MYO15B: variants seen among roughly 807,000 people sequenced by gnomAD.
MYO15B encodes myosin XVB pseudogene.
Under a neutral mutation model 119.3 loss-of-function variants are expected in MYO15B, and 207 were observed. That is an observed-to-expected ratio of 1.73 (90% CI 1.55 to 1.95). The LOEUF (loss-of-function observed/expected upper bound fraction) is 1.95. Among genes scored for constraint, MYO15B ranks in the 30% most tolerant of loss-of-function variants. The pLI is 0.00. For synonymous variants in MYO15B, 966 were observed against 498.9 expected (o/e 1.94, Z -12.48); for missense variants, 2,264 against 1,203.1 (o/e 1.88, Z -13.04).
At position 75,591,158 on chromosome 17, in the gene MYO15B, C is replaced by G. The variant is rs2056419309; in HGVS notation, c.2361-14C>G. ...CCAGGTCCCCATGTCTGGCAACCTT[C>G]TCATCTCCCTCAGACACATCTTTGC... On this transcript the variant is annotated splice_polypyrimidine_tract_variant and intron_variant, in intron 3 of 63. Transcript: ENST00000645453. The G allele has an allele frequency of 1.4e-6, 1 of 702,798 alleles. No homozygotes were observed. The highest frequency in any genetic ancestry group is 1.7e-5 in the African/African-American group (1 of 57,258). The allele number at this position is 702,798 out of a possible 1,614,324, so 43.5% of individuals were successfully genotyped here. A position where few individuals can be genotyped will look rare whatever the true frequency, so the allele number is the denominator to read the frequency against.
intron 12 of MYO15B, among the ~76,000 whole-genome samples, chr17:75,595,502 G>T (rs1432679454): frequency 2.6e-5 from 4 of 152,202 alleles, no homozygotes; most frequent in African/African-American, 9.6e-5. Flanking sequence ...GCAAGTGGAT[G>T]AACCTTTCTG....
At chr17:75,611,540 GA>G (rs2058030342) in intron 23 of MYO15B, 60 bp from the exon 24 acceptor site, 5 of 699,168 alleles carry the variant, frequency 7.2e-6, no homozygotes, top group Non-Finnish European at 1.0e-5. Flanking sequence ...AGGGTGTGGG[GA>G]GGGACACTGG....
At chr17:75,618,016 T>G (rs949594859) in intron 42 of MYO15B, 94 bp downstream of exon 42, 1 of 690,652 alleles carries the variant, frequency 1.4e-6, no homozygotes, top group Admixed American at 2.0e-5. Flanking sequence ...CAGCATCCCC[T>G]CCCCACAGCC....
In MYO15B at chr17:75,603,233, C is replaced by T. The variant is rs867394765; in HGVS notation, c.3937C>T (p.Gln1313Ter). 4 of 702,968 alleles carry T rather than the reference C, an allele frequency of 5.7e-6. No homozygotes were observed. Among genetic ancestry groups the T allele is most frequent in the Middle Eastern group, 4.6e-4 (2 of 4,392 alleles). 43.5% of individuals were successfully genotyped at this position (702,968 alleles called of 1,614,324 possible). The change falls in exon 19 of 64, where the codon CAG becomes TAG. Residue 1313 changes from glutamine (Q) to a stop codon, truncating the protein, a stop_gained. Transcript: ENST00000645453. LOFTEE classifies it high-confidence loss of function. ...GGGACATGTGACAGAGCAACTGCAC[C>T]AGGCAGCCATACTGGAGGCCGTGGG...
At chr17:75,602,984 G>T (rs1250731656) in intron 17 of MYO15B, 39 bp downstream of exon 17, 3 of 701,744 alleles carry the variant, frequency 4.3e-6, no homozygotes, top group Non-Finnish European at 7.8e-6. Context: ...CCAGGGAGTT[G>T]TATGGGGCTC....
chr17:75,600,074 A>C (rs1248375522), intron 14 of MYO15B, among the ~76,000 whole-genome samples: 1 of 136,256 alleles, frequency 7.3e-6, no homozygotes, highest in African/African-American at 2.8e-5. Context: ...CCCAGGCTGG[A>C]GTGCAGTGGC....
intron 59 of MYO15B, 80 bp from the exon 60 acceptor site, chr17:75,625,043 G>A (rs1210009545): frequency 1.5e-6 from 1 of 657,658 alleles, no homozygotes; most frequent in African/African-American, 1.8e-5. Flanking sequence ...AGTGGCAAAA[G>A]GAGGCTTGAG....
intron 14 of MYO15B, among the ~76,000 whole-genome samples, chr17:75,599,735 A>C (rs1378724468): frequency 6.6e-6 from 1 of 151,590 alleles, no homozygotes; most frequent in Non-Finnish European, 1.5e-5. Flanking sequence ...CTCTACTAAA[A>C]ATACAAAAAA....
chr17:75,591,672 G>C, exon 5 of MYO15B: 1 of 702,990 alleles, frequency 1.4e-6, no homozygotes, highest in East Asian at 2.7e-5. Flanking sequence ...CAGTTCCTAA[G>C]CAGCCTGGAG....
chr17:75,594,683 G>GCCT lies in MYO15B; in HGVS notation c.3106-13_3106-11dup, dbSNP rs1266965765. The GCCT allele has an allele frequency of 1.4e-6, 1 of 702,794 alleles. No homozygotes were observed. Among genetic ancestry groups the GCCT allele is most frequent in the Non-Finnish European group, 2.6e-6 (1 of 384,904 alleles). 43.5% of individuals were successfully genotyped at this position (702,794 alleles called of 1,614,324 possible). On this transcript the variant is annotated splice_polypyrimidine_tract_variant and intron_variant, in intron 10 of 63. Coordinates refer to ENST00000645453, the Ensembl canonical transcript of MYO15B. Reference sequence around the variant, plus strand: ...GCTGCAGGCCTGACACACCAGCTGTGCCTCCTCTGCCCTCCAGGAGACGCC... The same window carrying GCCT: ...GCTGCAGGCCTGACACACCAGCTGTGCCTCCTCCTCTGCCCTCCAGGAGACGCC...
chr17:75,601,907 G>T (rs972804300), intron 15 of MYO15B, among the ~76,000 whole-genome samples: 1 of 152,250 alleles, frequency 6.6e-6, no homozygotes, highest in Admixed American at 6.5e-5. Flanking sequence ...GTTGCTGTGA[G>T]GGTGAGATGT....
Position 75,610,862 on chromosome 17 carries a change from A to G in MYO15B, c.4387-38A>G, listed in dbSNP as rs1275318565. ...GGGGAGGTGCCCCCAGGTGACTCAC[A>G]TGGGAGGCATCAGCTCTTCCCACAT... On this transcript the variant is annotated intron_variant, in intron 22 of 63. Coordinates refer to ENST00000645453, the Ensembl canonical transcript of MYO15B. 4 of 702,726 alleles carry G rather than the reference A, an allele frequency of 5.7e-6. No individual in the cohort carries two copies. The East Asian group carries it at 1.1e-4, about 19-fold the overall frequency. 43.5% of individuals were successfully genotyped at this position (702,726 alleles called of 1,614,324 possible). A position where few individuals can be genotyped will look rare whatever the true frequency, so the allele number is the denominator to read the frequency against.
exon 21 of MYO15B, chr17:75,605,896 G>A (rs770669878): frequency 1.4e-6 from 1 of 701,422 alleles, no homozygotes; most frequent in Non-Finnish European, 2.6e-6. Context: ...GGCAGCGGCT[G>A]GAGGAGCTCC....
At chr17:75,588,730 T>G (rs2056218656) in exon 1 of MYO15B, 6 of 397,286 alleles carry the variant, frequency 1.5e-5, no homozygotes, top group Non-Finnish European at 2.7e-5. Context: ...GGAAGGGTCG[T>G]CGGGGACGGG....
At chr17:75,587,995 G>A (rs1476434315) in exon 1 of MYO15B, 1 of 398,006 alleles carries the variant, frequency 2.5e-6, no homozygotes. Context: ...ACCGCGGGAG[G>A]CCAAATCCCC....
chr17:75,622,987 C>A (rs73995927), intron 53 of MYO15B, among the ~76,000 whole-genome samples: 2 of 152,108 alleles, frequency 1.3e-5, no homozygotes, highest in African/African-American at 4.8e-5. Flanking sequence ...GGCACAGCAC[C>A]GCTCAGAGGT....
rs1413602244 is a variant in MYO15B at position 75,589,160 on chromosome 17, T to TG, written c.1104dup (p.Ser369GlufsTer63). 5.1e-6 allele frequency: 2 copies of TG among 392,198 alleles called. No individual in the cohort carries two copies. Among genetic ancestry groups the TG allele is most frequent in the Non-Finnish European group, 9.0e-6 (2 of 222,114 alleles). The allele number at this position is 392,198 out of a possible 1,614,324, so 24.3% of individuals were successfully genotyped here. ...CGCGCTGGCCTCAAGGAGCGGCTCC[T>TG]GAGTGTAGCGCGAGCCCTGGGCCTC... On this transcript the variant is annotated frameshift_variant, in exon 1 of 64. Transcript: ENST00000645453. LOFTEE classifies it high-confidence loss of function. This position sits in a 1 kb window ranked among gnomAD's most constrained non-coding sequence, Gnocchi z 4.2.
At position 75,617,941 on chromosome 17, in the gene MYO15B, C is replaced by A. The variant is rs1320561094; in HGVS notation, c.6927+19C>A. ...CAAGGAGGTGGGCATGAGGGTGGGG[C>A]CTTGGCCTGGCCTCTTTGGGCTGGC... On this transcript the variant is annotated intron_variant, in intron 42 of 63. Coordinates refer to ENST00000645453, the Ensembl canonical transcript of MYO15B. 1.4e-6 allele frequency: 1 copy of A among 702,134 alleles called. No homozygotes were observed. The highest frequency in any genetic ancestry group is 2.6e-6 in the Non-Finnish European group (1 of 384,508). 43.5% of individuals were successfully genotyped at this position (702,134 alleles called of 1,614,324 possible).
At position 75,615,616 on chromosome 17, in the gene MYO15B, G is replaced by A. The variant is rs1417102255; in HGVS notation, c.5838+16G>A. On this transcript the variant is annotated intron_variant, in intron 35 of 63. Transcript: ENST00000645453. ...GCTAATCCTGGTGAGCGCTGGCAGG[G>A]CCCTGGGGCCACCTGGTGGAGGAGA... is the stretch of plus-strand genomic sequence containing the variant. The A allele has an allele frequency of 1.5e-6, 1 of 686,962 alleles. No individual in the cohort carries two copies. Among genetic ancestry groups the A allele is most frequent in the South Asian group, 1.5e-5 (1 of 65,270 alleles). 42.6% of individuals were successfully genotyped at this position (686,962 alleles called of 1,614,324 possible).
Sources: allele counts gnomAD v4.1 joint callset (sites outside exome capture counted in the v4.1 genomes callset), GRCh38; gene constraint gnomAD v4.1.1; non-coding constraint Gnocchi (gnomAD v3.1); transcripts MANE v1.5; gene names NCBI Gene and HGNC (gene_info 2026-07-23, HGNC 2026-07-21).